Variants in LNX2 observed in about 807,000 individuals in gnomAD.
LNX2 encodes ligand of Numb protein X 2.
Under a neutral mutation model 66.2 loss-of-function variants are expected in LNX2, and 35 were observed. The ratio of observed to expected loss-of-function variants is 0.53; its 90% CI spans 0.40 to 0.70. The LOEUF is 0.70. Ranked by LOEUF, LNX2 falls within the 30% of genes least tolerant of loss-of-function variation. LNX2 has a pLI of 0.00. For missense variants in LNX2, 791 were observed against 850.8 expected (o/e 0.93, Z 0.87); for synonymous variants, 337 against 315.6 (o/e 1.07, Z -0.72).
intron 1 of LNX2, among the ~76,000 whole-genome samples, chr13:27,590,465 C>T (rs539791540): frequency 3.3e-5 from 5 of 151,560 alleles, no homozygotes; most frequent in East Asian, 2.0e-4. Flanking sequence ...GTGATCTGCC[C>T]GCCTCGGCCT....
intron 1 of LNX2, among the ~76,000 whole-genome samples, chr13:27,586,078 ATC>A (rs1955483177): frequency 6.7e-6 from 1 of 149,082 alleles, no homozygotes; most frequent in Non-Finnish European, 1.5e-5. Flanking sequence ...CAGTACATAT[ATC>A]TATATCTATA....
chr13:27,546,487 T>C lies in LNX2; in HGVS notation c.*1848A>G, dbSNP rs994241545. The C allele has an allele frequency of 6.6e-6, 1 of 152,226 alleles. No homozygotes were observed. Among genetic ancestry groups the C allele is most frequent in the African/African-American group, 2.4e-5 (1 of 41,466 alleles). The allele number at this position is 152,226 out of a possible 1,614,324, so 9.4% of individuals were successfully genotyped here. A position where few individuals can be genotyped will look rare whatever the true frequency, so the allele number is the denominator to read the frequency against. ...GGCCATTCCACTGTATCTTGTTATA[T>C]GTTGATCATACAGTGTAACTAAGGG... On this transcript the variant is annotated 3_prime_UTR_variant, in exon 10 of 10. Transcript: ENST00000316334.
chr13:27,564,581 C>T (rs1955182261), intron 4 of LNX2, among the ~76,000 whole-genome samples: 1 of 151,930 alleles, frequency 6.6e-6, no homozygotes, highest in Non-Finnish European at 1.5e-5. Flanking sequence ...TAGCAAAAAG[C>T]TCTAACAGCA....
At chr13:27,610,793 C>T (rs767380710) in intron 1 of LNX2, among the ~76,000 whole-genome samples, 10 of 152,122 alleles carry the variant, frequency 6.6e-5, no homozygotes, top group Non-Finnish European at 1.5e-4. Context: ...ACAAAAAAAA[C>T]AGGCCAAGGA....
chr13:27,597,823 C>T (rs1955616006), intron 1 of LNX2, among the ~76,000 whole-genome samples: 1 of 152,010 alleles, frequency 6.6e-6, no homozygotes, highest in Non-Finnish European at 1.5e-5. Flanking sequence ...ATACCATAAC[C>T]AGCATAGACA....
intron 5 of LNX2, among the ~76,000 whole-genome samples, chr13:27,560,933 AAG>A (rs1448792679): frequency 6.6e-6 from 1 of 152,136 alleles, no homozygotes; most frequent in African/African-American, 2.4e-5. Context: ...GAAAAGAAGT[AAG>A]AAACAAGTTT....
chr13:27,591,125 G>A (rs898963973), intron 1 of LNX2, among the ~76,000 whole-genome samples: 2 of 152,170 alleles, frequency 1.3e-5, no homozygotes, highest in African/African-American at 2.4e-5. Flanking sequence ...GGCCTCAGGG[G>A]CAGGGACCAG....
intron 1 of LNX2, among the ~76,000 whole-genome samples, chr13:27,594,858 T>A (rs1122547): frequency 0.48 from 72,913 of 151,594 alleles, 18,770 homozygotes; most frequent in African/African-American, 0.68. Flanking sequence ...TCCCACCACC[T>A]CTCTCAGTTA....
intron 2 of LNX2, among the ~76,000 whole-genome samples, 175 bp from the exon 3 acceptor site, chr13:27,569,451 G>C (rs1368062790): frequency 1.3e-5 from 2 of 152,146 alleles, no homozygotes; most frequent in Non-Finnish European, 2.9e-5. Flanking sequence ...CTGCTCCATA[G>C]AGCAGATAAT....
chr13:27,609,431 C>T (rs1274730323), intron 1 of LNX2, among the ~76,000 whole-genome samples: 1 of 152,158 alleles, frequency 6.6e-6, no homozygotes, highest in Non-Finnish European at 1.5e-5. Flanking sequence ...GCTGGGTTTA[C>T]AGGCGTGAGC....
At chr13:27,601,379 T>G (rs1424248374) in intron 1 of LNX2, among the ~76,000 whole-genome samples, 3 of 152,342 alleles carry the variant, frequency 2.0e-5, no homozygotes, top group Admixed American at 1.3e-4. Flanking sequence ...CAATACGTGA[T>G]GCAATTCCAC....
chr13:27,605,725 CTT>C (rs1955707503), intron 1 of LNX2, among the ~76,000 whole-genome samples: 1 of 152,142 alleles, frequency 6.6e-6, no homozygotes, highest in South Asian at 2.1e-4. Context: ...CTGAATGAAA[CTT>C]AAAGTTCCTA....
chr13:27,599,032 T>C (rs1593261054), intron 1 of LNX2, among the ~76,000 whole-genome samples: 2 of 152,152 alleles, frequency 1.3e-5, no homozygotes, highest in East Asian at 3.9e-4. Context: ...TGTAATAAAA[T>C]GGAGGCTTCA....
At chr13:27,572,770 T>C (rs922130144) in intron 2 of LNX2, among the ~76,000 whole-genome samples, 1 of 152,140 alleles carries the variant, frequency 6.6e-6, no homozygotes, top group Non-Finnish European at 1.5e-5. Context: ...GTCAGTAATA[T>C]TAGTATTAAT....
chr13:27,610,129 C>T (rs1267007113), intron 1 of LNX2, among the ~76,000 whole-genome samples: 1 of 152,170 alleles, frequency 6.6e-6, no homozygotes, highest in Non-Finnish European at 1.5e-5. Context: ...AAAGGTCATG[C>T]ACTGCTACTA....
chr13:27,579,884 A>G (rs1419469256), intron 2 of LNX2, among the ~76,000 whole-genome samples: 1 of 152,178 alleles, frequency 6.6e-6, no homozygotes, highest in Non-Finnish European at 1.5e-5. Flanking sequence ...TTCAGATTCT[A>G]TGCTTGCTGG....
intron 1 of LNX2, among the ~76,000 whole-genome samples, chr13:27,611,910 T>C (rs193215115): frequency 2.1e-4 from 32 of 152,298 alleles, no homozygotes; most frequent in Non-Finnish European, 3.2e-4. Flanking sequence ...AGGTTAAAGA[T>C]TGGAGCATAT....
intron 1 of LNX2, among the ~76,000 whole-genome samples, chr13:27,590,782 C>T (rs1283823070): frequency 1.3e-5 from 2 of 152,000 alleles, no homozygotes; most frequent in African/African-American, 4.8e-5. Flanking sequence ...GGAAATAGAA[C>T]TAAAATAATA....
At chr13:27,572,798 T>A (rs367902614) in intron 2 of LNX2, among the ~76,000 whole-genome samples, 1 of 152,158 alleles carries the variant, frequency 6.6e-6, no homozygotes, top group Non-Finnish European at 1.5e-5. Context: ...GTGGTGGTAG[T>A]GCAGTAGAAA....
Sources: gnomAD v4.1 joint callset for allele counts (sites outside exome capture counted in the v4.1 genomes callset) on GRCh38, gnomAD v4.1.1 for gene constraint, MANE v1.5 for transcripts, NCBI Gene and HGNC (gene_info 2026-07-23, HGNC 2026-07-21) for gene names.